The following TTC7B variants were observed in gnomAD, a reference collection of about 807,000 sequenced individuals.
The protein encoded by TTC7B is tetratricopeptide repeat protein 7B.
In TTC7B, 28 loss-of-function variants were observed where a neutral mutation model predicts 106.8. That is an observed-to-expected ratio of 0.26 (90% CI 0.19 to 0.36). TTC7B has a LOEUF of 0.36. TTC7B is among the 10% of genes least tolerant of loss of function. TTC7B has a pLI of 1.00. For synonymous variants in TTC7B, 405 were observed against 430.6 expected (o/e 0.94, Z 0.74); for missense variants, 862 against 1,076.4 (o/e 0.80, Z 2.79).
intron 5 of TTC7B, chr14:90,698,708 T>G (rs1232429955): frequency 6.5e-6 from 1 of 153,986 alleles, no homozygotes; most frequent in Non-Finnish European, 1.4e-5. Context: ...TTGGAATCGT[T>G]CCCAACAGCT....
chr14:90,687,851 A>G (rs1887306859), intron 7 of TTC7B, among the ~76,000 whole-genome samples: 1 of 152,238 alleles, frequency 6.6e-6, no homozygotes. Flanking sequence ...AACTCATCTG[A>G]ATCCATGTAA....
chr14:90,695,753 T>A (rs1418036344), intron 5 of TTC7B, among the ~76,000 whole-genome samples, 175 bp from the exon 6 acceptor site: 2 of 152,212 alleles, frequency 1.3e-5, no homozygotes, highest in Non-Finnish European at 2.9e-5. Context: ...GACCTAAGAT[T>A]GATGGCCTTT....
chr14:90,763,604 A>G (rs1418117280), intron 3 of TTC7B, among the ~76,000 whole-genome samples: 1 of 152,232 alleles, frequency 6.6e-6, no homozygotes, highest in Non-Finnish European at 1.5e-5. Context: ...TACATATTTT[A>G]AAGCCCTAAA....
At chr14:90,685,328 C>A (rs1887215053) in intron 7 of TTC7B, among the ~76,000 whole-genome samples, 1 of 152,208 alleles carries the variant, frequency 6.6e-6, no homozygotes, top group Non-Finnish European at 1.5e-5. Flanking sequence ...TGAGAATGTG[C>A]TTTCTGCCAA....
chr14:90,680,709 C>T (rs1032158992), intron 7 of TTC7B, among the ~76,000 whole-genome samples, 174 bp from the exon 8 acceptor site: 16 of 152,128 alleles, frequency 1.1e-4, no homozygotes, highest in Non-Finnish European at 2.4e-4. Context: ...GGAATTCATA[C>T]ATTTTAGCTA....
At chr14:90,718,550 G>T (rs1456395095) in intron 5 of TTC7B, among the ~76,000 whole-genome samples, 1 of 152,160 alleles carries the variant, frequency 6.6e-6, no homozygotes, top group Non-Finnish European at 1.5e-5. Context: ...CTAGGTGGTC[G>T]TAGTGTATCT....
chr14:90,659,213 TTG>T (rs148678143), intron 9 of TTC7B, among the ~76,000 whole-genome samples: 5,544 of 146,656 alleles, frequency 0.038, 138 homozygotes, highest in Non-Finnish European at 0.056. Context: ...ACGAGTGTGA[TTG>T]TGTGTGTGTG....
chr14:90,594,117 G>A (rs1388884464), intron 17 of TTC7B, among the ~76,000 whole-genome samples: 1 of 152,116 alleles, frequency 6.6e-6, no homozygotes, highest in East Asian at 1.9e-4. Context: ...CCTGGCCTTG[G>A]AGAGGTGGAC....
At position 90,578,772 on chromosome 14, in the gene TTC7B, G is replaced by A. The variant is rs1028311221; in HGVS notation, c.2108-464C>T. Among the ~76,000 whole-genome samples the A allele has an allele frequency of 1.3e-5, 2 of 152,076 alleles. No individual in the cohort carries two copies. Among genetic ancestry groups the A allele is most frequent in the African/African-American group, 4.8e-5 (2 of 41,426 alleles). On this transcript the variant is annotated intron_variant, in intron 18 of 19. Transcript: ENST00000328459. The surrounding 1 kb of genome is among the most constrained non-coding windows in gnomAD (Gnocchi z 4.7). ...CTCTGACCCACTCTCCTGATGCCAA[G>A]AAGTATGATGGGGCTGCAGGCTGCA...
chr14:90,602,120 T>C, intron 17 of TTC7B: 1 of 456,040 alleles, frequency 2.2e-6, no homozygotes, highest in Non-Finnish European at 4.4e-6. Flanking sequence ...TGCCATAAGC[T>C]AAAGGCTCAG....
chr14:90,567,267 C>T (rs955439808), intron 19 of TTC7B, among the ~76,000 whole-genome samples: 3 of 152,232 alleles, frequency 2.0e-5, no homozygotes, highest in Non-Finnish European at 4.4e-5. Flanking sequence ...CAAATGAGCT[C>T]GTCTATCGAC....
intron 3 of TTC7B, among the ~76,000 whole-genome samples, chr14:90,773,384 T>C (rs10137818): frequency 0.32 from 48,785 of 152,034 alleles, 11,162 homozygotes; most frequent in African/African-American, 0.66. Context: ...TGAGTGATTA[T>C]GCTCCCACTG....
chr14:90,703,690 C>T (rs182497101), intron 5 of TTC7B, among the ~76,000 whole-genome samples: 1 of 152,304 alleles, frequency 6.6e-6, no homozygotes, highest in Admixed American at 6.5e-5. Context: ...GGACGACAGG[C>T]GTCGCAAGCC....
chr14:90,727,838 C>T (rs1889167649), intron 5 of TTC7B, among the ~76,000 whole-genome samples: 1 of 152,200 alleles, frequency 6.6e-6, no homozygotes, highest in African/African-American at 2.4e-5. Flanking sequence ...AAGAAAACTG[C>T]AGAAGAGCAA....
rs1890709744 is a variant in TTC7B, at chr14:90,767,038, A to AG, written c.445+13699_445+13700insC. ...AAATAGTTTATATACCAAAAAAAAAAAAAAAAAGAAAGAAAGGAAGAAAAG... is the reference window on the plus strand; with the variant it reads ...AAATAGTTTATATACCAAAAAAAAAAGAAAAAAAGAAAGAAAGGAAGAAAAG... On this transcript the variant is annotated intron_variant, in intron 3 of 19. Coordinates refer to ENST00000328459, the MANE Select transcript of TTC7B (RefSeq NM_001010854.2). 7 of 831,724 alleles carry AG rather than the reference A, an allele frequency of 8.4e-6. No homozygotes were observed. In the East Asian group the frequency reaches 1.6e-4, roughly 20 times the overall value. The allele number at this position is 831,724 out of a possible 1,614,324, so 51.5% of individuals were successfully genotyped here.
intron 18 of TTC7B, among the ~76,000 whole-genome samples, chr14:90,592,189 G>T (rs1293135729): frequency 1.3e-5 from 2 of 152,178 alleles, no homozygotes; most frequent in Admixed American, 1.3e-4. Context: ...CAAAAAAGGA[G>T]TCAACAGAGG....
Position 90,780,909 on chromosome 14 carries a change from A to G in TTC7B, c.277-3T>C, listed in dbSNP as rs754407924. The G allele has an allele frequency of 5.9e-5, 96 of 1,613,834 alleles. No individual in the cohort carries two copies. In the Admixed American group the frequency reaches 1.5e-3, roughly 26 times the overall value. ...TTGGATTCTTGTAGGAATTCTGACTAGAAGCAAAAGGAGAGAAAGAAAAGC... is the reference window on the plus strand; with the variant it reads ...TTGGATTCTTGTAGGAATTCTGACTGGAAGCAAAAGGAGAGAAAGAAAAGC... On this transcript the variant is annotated splice_polypyrimidine_tract_variant and splice_region_variant and intron_variant, in intron 2 of 19. Transcript: ENST00000328459.
intron 5 of TTC7B, among the ~76,000 whole-genome samples, chr14:90,702,774 C>T (rs1260909918): frequency 6.6e-6 from 1 of 152,184 alleles, no homozygotes; most frequent in Non-Finnish European, 1.5e-5. Flanking sequence ...CAGTAAAAAA[C>T]TTTCTCTGGG....
chr14:90,579,448 T>G (rs903539864), intron 18 of TTC7B, among the ~76,000 whole-genome samples: 1 of 152,214 alleles, frequency 6.6e-6, no homozygotes, highest in Admixed American at 6.5e-5. Flanking sequence ...ATATCTTACA[T>G]GTCATATGAT....
Sources: gnomAD v4.1 joint callset for allele counts (sites outside exome capture counted in the v4.1 genomes callset) on GRCh38, gnomAD v4.1.1 for gene constraint, Gnocchi (gnomAD v3.1) non-coding constraint, MANE v1.5 for transcripts, NCBI Gene and HGNC (gene_info 2026-07-23, HGNC 2026-07-21) for gene names.